Variants in DDX59 observed in about 807,000 individuals in gnomAD.
DDX59 encodes the protein probable ATP-dependent RNA helicase DDX59.
Under a neutral mutation model 51.9 loss-of-function variants are expected in DDX59, and 30 were observed. The observed-to-expected ratio is 0.58, with a 90% CI of 0.43 to 0.78. DDX59 has a LOEUF of 0.78. DDX59 is among the 30% of genes least tolerant of loss of function. The pLI is 0.00. For missense variants in DDX59, 672 were observed against 730.8 expected (o/e 0.92, Z 0.93); for synonymous variants, 255 against 253.3 (o/e 1.01, Z -0.06).
intron 1 of DDX59, among the ~76,000 whole-genome samples, chr1:200,667,687 T>C (rs1662861416): frequency 6.6e-6 from 1 of 152,140 alleles, no homozygotes. Context: ...ATCTTTAAAA[T>C]CAAAGCCACA....
chr1:200,668,463 G>A (rs531435938), intron 1 of DDX59, among the ~76,000 whole-genome samples: 1 of 152,156 alleles, frequency 6.6e-6, no homozygotes, highest in South Asian at 2.1e-4. Context: ...CTTTCTAAGG[G>A]GTCTGGAGAG....
chr1:200,648,944 C>T (rs1289885707), intron 6 of DDX59, 130 bp downstream of exon 6: 19 of 945,806 alleles, frequency 2.0e-5, no homozygotes, highest in South Asian at 7.0e-5. Flanking sequence ...TCATGGTAAC[C>T]GCTTGTTTGA....
At chr1:200,643,996 C>A (rs184862111), downstream of DDX59, 363 of 374,778 alleles carry the variant, frequency 9.7e-4, 1 homozygote, top group Middle Eastern at 0.014. Flanking sequence ...CTGACAGTAG[C>A]TCTGAGGACT....
At position 200,650,577 on chromosome 1, in the gene DDX59, G is replaced by A; in HGVS notation, c.1162C>T (p.Pro388Ser). The A allele has an allele frequency of 2.5e-6, 4 of 1,614,036 alleles. No homozygotes were observed. Among genetic ancestry groups the A allele is most frequent in the Non-Finnish European group, 2.5e-6 (3 of 1,179,938 alleles). Residue 388 changes from proline (P) to serine (S), a missense_variant, in exon 5 of 8, where the codon CCA becomes TCA. Transcript: ENST00000331314. Reference protein sequence around the residue: ...CQTILVSATIPTSIEQLASQL... With the variant: ...CQTILVSATISTSIEQLASQL... ...CTTGCTAGCTGTTCTATGCTAGTTG[G>A]AATTGTGGCTGAAACCAAAATGGTC...
chr1:200,648,998 T>C, intron 6 of DDX59, 76 bp downstream of exon 6: 2 of 1,387,592 alleles, frequency 1.4e-6, no homozygotes, highest in Non-Finnish European at 1.9e-6. Context: ...AAAAACCAGC[T>C]GTAATATGGT....
Position 200,644,048 on chromosome 1 carries a change from AAACACTGTCTT to A in DDX59, c.*195_*205del. 1.9e-6 allele frequency: 1 copy of A among 515,040 alleles called. No homozygotes were observed. The highest frequency in any genetic ancestry group is 2.6e-6 in the Non-Finnish European group (1 of 391,184). The allele number at this position is 515,040 out of a possible 1,614,324, so 31.9% of individuals were successfully genotyped here. On this transcript the variant is annotated 3_prime_UTR_variant, in exon 8 of 8. Transcript: ENST00000331314. ...AAAAAGAAACTTCATCCAGAAAAGA[AAACACTGTCTT>A]TTATTTAATAATTCATTTTCTGATG... is the stretch of plus-strand genomic sequence containing the variant.
intron 4 of DDX59, among the ~76,000 whole-genome samples, chr1:200,656,205 T>C (rs1662012073): frequency 6.6e-6 from 1 of 152,134 alleles, no homozygotes; most frequent in Non-Finnish European, 1.5e-5. Flanking sequence ...ATTTAGACCT[T>C]TACCTGTTTT....
chr1:200,649,496 G>T (rs1024293587), intron 5 of DDX59, among the ~76,000 whole-genome samples: 6 of 151,682 alleles, frequency 4.0e-5, no homozygotes, highest in African/African-American at 7.3e-5. Flanking sequence ...ACGCATGGTG[G>T]CAGGCGCCTG....
chr1:200,651,058 T>G (rs78270581), intron 4 of DDX59, among the ~76,000 whole-genome samples: 2 of 152,132 alleles, frequency 1.3e-5, no homozygotes, highest in African/African-American at 4.8e-5. Context: ...AATTACAGAA[T>G]ATTATGTGTA....
rs758139556 is a variant in DDX59 at position 200,663,949 on chromosome 1, TG to T, written c.941del (p.Pro314HisfsTer14). The T allele has an allele frequency of 1.2e-6, 2 of 1,613,434 alleles. No individual in the cohort carries two copies. The highest frequency in any genetic ancestry group is 1.7e-6 in the Non-Finnish European group (2 of 1,179,812). The part of the protein sequence containing the change: ...VLLVGGLPLP[P>X]QLYRLQQHVK... ...CATGTTGTTGCAGACGATAAAGCTGTGGGGGTAAGGGTAAGCCCCCTACAAG... is the reference window on the plus strand; with the variant it reads ...CATGTTGTTGCAGACGATAAAGCTGTGGGGTAAGGGTAAGCCCCCTACAAG... On this transcript the variant is annotated frameshift_variant, in exon 3 of 8. Transcript: ENST00000331314. LOFTEE classifies it high-confidence loss of function.
chr1:200,664,178 C>T, intron 2 of DDX59, 92 bp from the exon 3 acceptor site: 1 of 1,405,960 alleles, frequency 7.1e-7, no homozygotes, highest in South Asian at 1.4e-5. Flanking sequence ...GGAACATGGC[C>T]CCTTTAAAGT....
rs1661913481 is a variant in DDX59, at chr1:200,654,864, A to G, written c.1062+4163T>C. On this transcript the variant is annotated intron_variant, in intron 4 of 7. Coordinates refer to ENST00000331314, the MANE Select transcript of DDX59 (RefSeq NM_001031725.6). ...AACAATGGTTCTCTCTTCTTCAAGGATATTATTCATTCTCAGTTCCTCTCT... is the reference window on the plus strand; with the variant it reads ...AACAATGGTTCTCTCTTCTTCAAGGGTATTATTCATTCTCAGTTCCTCTCT... 2.6e-5 allele frequency: 4 copies of G among 152,116 alleles called. No individual in the cohort carries two copies. The South Asian group carries it at 6.2e-4, about 24-fold the overall frequency. The allele number at this position is 152,116 out of a possible 1,614,324, so 9.4% of individuals were successfully genotyped here.
chr1:200,652,824 G>A (rs899367871), intron 4 of DDX59, among the ~76,000 whole-genome samples: 1 of 151,966 alleles, frequency 6.6e-6, no homozygotes, highest in Non-Finnish European at 1.5e-5. Flanking sequence ...GTGACCACAG[G>A]CATGTGCCAC....
rs1662215138 is a variant in DDX59 at position 200,659,068 on chromosome 1, A to G, written c.1021T>C (p.Ser341Pro). 6.2e-7 allele frequency: 1 copy of G among 1,613,744 alleles called. No individual in the cohort carries two copies. The highest frequency in any genetic ancestry group is 1.3e-5 in the African/African-American group (1 of 74,920). The stretch of plus-strand genomic sequence containing the variant: ...ATCTTTACACCACAGAGTTCTACAG[A>G]GCTCTGCTTTATTATATCCAGAAGT... The part of the protein sequence containing the change: ...GRLLDIIKQS[S>P]VELCGVKIVV... The change falls in exon 4 of 8, where the codon TCT (serine) becomes CCT (proline). Residue 341 changes from serine to proline, a missense_variant. Ser to Pro is a moderately conservative substitution (Grantham distance 74). Coordinates refer to ENST00000331314, the MANE Select transcript of DDX59 (RefSeq NM_001031725.6).
At chr1:200,654,661 T>G in intron 4 of DDX59, 1 of 150,792 alleles carries the variant, frequency 6.6e-6, no homozygotes, top group African/African-American at 2.4e-5. Flanking sequence ...ACAGGGGGAG[T>G]GAGGGATTTC....
intron 4 of DDX59, among the ~76,000 whole-genome samples, chr1:200,653,992 T>C (rs1661838038): frequency 1.3e-5 from 2 of 152,184 alleles, no homozygotes; most frequent in Admixed American, 1.3e-4. Context: ...CCAACAAGTG[T>C]GAGCACATGA....
chr1:200,666,742 C>T lies in DDX59; in HGVS notation c.-2G>A, dbSNP rs764882192. 1 of 1,604,440 alleles carries T rather than the reference C, an allele frequency of 6.2e-7. No individual in the cohort carries two copies. Among genetic ancestry groups the T allele is most frequent in the Non-Finnish European group, 8.5e-7 (1 of 1,174,528 alleles). ...TTTTAGAGATCTTGGAACAAACATC[C>T]TTCAATATTCTGTTAAGGAAATTAT... is the stretch of plus-strand genomic sequence containing the variant. On this transcript the variant is annotated 5_prime_UTR_variant, in exon 2 of 8. Transcript: ENST00000331314.
downstream of DDX59, among the ~76,000 whole-genome samples, chr1:200,641,845 A>G (rs1661058871): frequency 6.6e-6 from 1 of 152,172 alleles, no homozygotes; most frequent in African/African-American, 2.4e-5. Context: ...TCTACTAAAA[A>G]TACAAAAATT....
At chr1:200,663,751 C>T (rs570320484) in intron 3 of DDX59, among the ~76,000 whole-genome samples, 168 bp downstream of exon 3, 3 of 148,898 alleles carry the variant, frequency 2.0e-5, no homozygotes, top group African/African-American at 7.4e-5. Flanking sequence ...TCTTTCCCTT[C>T]CTATATAAAA....
Sources: gnomAD v4.1 joint callset for allele counts (sites outside exome capture counted in the v4.1 genomes callset) on GRCh38, gnomAD v4.1.1 for gene constraint, MANE v1.5 for transcripts, NCBI Gene and HGNC (gene_info 2026-07-23, HGNC 2026-07-21) for gene names.